Variants in ASB5 observed in about 807,000 individuals in gnomAD.
ASB5 encodes ankyrin repeat and SOCS box protein 5.
Under a neutral mutation model 42.1 loss-of-function variants are expected in ASB5, and 45 were observed. The observed-to-expected ratio is 1.07, with a 90% CI of 0.84 to 1.37. The LOEUF (loss-of-function observed/expected upper bound fraction) is 1.37. ASB5 is among the 40% of genes most tolerant of loss of function. The pLI is 0.00. For missense variants in ASB5, 402 were observed against 399.8 expected (o/e 1.01, Z -0.05); for synonymous variants, 147 against 150.6 (o/e 0.98, Z 0.18).
chr4:176,254,397 T>A (rs1754107842), intron 1 of ASB5, among the ~76,000 whole-genome samples: 1 of 152,160 alleles, frequency 6.6e-6, no homozygotes, highest in African/African-American at 2.4e-5. Context: ...TTACACCACA[T>A]ACAAAAATTA....
chr4:176,237,645 G>T, intron 1 of ASB5: 1 of 895,266 alleles, frequency 1.1e-6, no homozygotes, highest in Non-Finnish European at 1.3e-6. Flanking sequence ...AAATGCTGGA[G>T]CATTTTCTAT....
intron 1 of ASB5, among the ~76,000 whole-genome samples, chr4:176,246,388 G>T (rs1753912500): frequency 6.6e-6 from 1 of 152,128 alleles, no homozygotes; most frequent in South Asian, 2.1e-4. Flanking sequence ...TCAGATACAT[G>T]CAGTACATGT....
intron 1 of ASB5, 74 bp downstream of exon 1, chr4:176,268,839 A>C (rs980815217): frequency 5.7e-5 from 73 of 1,276,178 alleles, no homozygotes; most frequent in Non-Finnish European, 7.3e-5. Flanking sequence ...GCAGTCTAAA[A>C]AGAAAACATG....
intron 5 of ASB5, among the ~76,000 whole-genome samples, chr4:176,219,342 ATATTTG>A (rs1226739904): frequency 5.0e-5 from 5 of 100,148 alleles, no homozygotes; most frequent in African/African-American, 7.4e-5. Flanking sequence ...ATAAATATAT[ATATTTG>A]TATGATATAT....
chr4:176,271,209 A>C (rs999573322), upstream of ASB5, among the ~76,000 whole-genome samples: 71 of 152,196 alleles, frequency 4.7e-4, no homozygotes, highest in African/African-American at 1.6e-3. Context: ...ACTCTCCCTC[A>C]GCAAATTTCA....
chr4:176,244,530 C>G (rs1753871906), intron 1 of ASB5, among the ~76,000 whole-genome samples: 1 of 152,182 alleles, frequency 6.6e-6, no homozygotes, highest in South Asian at 2.1e-4. Flanking sequence ...GACTCTTCCT[C>G]TAACAGTGGC....
At chr4:176,234,539 C>G (rs1162165026) in intron 1 of ASB5, among the ~76,000 whole-genome samples, 1 of 152,180 alleles carries the variant, frequency 6.6e-6, no homozygotes. Context: ...TTCTTCTCAG[C>G]ACTTATTACT....
intron 1 of ASB5, among the ~76,000 whole-genome samples, chr4:176,260,661 C>T (rs576755959): frequency 6.6e-6 from 1 of 151,930 alleles, no homozygotes; most frequent in East Asian, 1.9e-4. Context: ...TTTGTTGTTG[C>T]TGTTGTTTGT....
upstream of ASB5, among the ~76,000 whole-genome samples, chr4:176,272,863 T>A (rs1754494321): frequency 6.6e-6 from 1 of 151,464 alleles, no homozygotes; most frequent in African/African-American, 2.4e-5. Context: ...TGGGTTATAA[T>A]AAAAATTGCG....
chr4:176,270,344 A>G (rs1754445401), upstream of ASB5, among the ~76,000 whole-genome samples: 1 of 152,190 alleles, frequency 6.6e-6, no homozygotes, highest in African/African-American at 2.4e-5. Context: ...GAGCATACCC[A>G]TGACTGGTCA....
In ASB5 at chr4:176,250,299, A is replaced by G. The variant is rs138378961; in HGVS notation, c.196+18614T>C. On this transcript the variant is annotated intron_variant, in intron 1 of 6. Transcript: ENST00000296525. ...CTTTGTGCTAAAAGTTTCTCTGGCC[A>G]GGAAACTGATTCACCAAAAGTCAAA... Among the ~76,000 whole-genome samples the G allele has an allele frequency of 7.7e-4, 118 of 152,342 alleles. 1 individual carries two copies. Among genetic ancestry groups the G allele is most frequent in the African/African-American group, 2.7e-3 (114 of 41,582 alleles).
intron 1 of ASB5, among the ~76,000 whole-genome samples, chr4:176,257,430 C>T (rs894761208): frequency 6.6e-6 from 1 of 152,160 alleles, no homozygotes; most frequent in African/African-American, 2.4e-5. Context: ...AATTTTAAAA[C>T]TCCCAACTCT....
intron 1 of ASB5, among the ~76,000 whole-genome samples, chr4:176,245,610 T>C (rs1345993482): frequency 1.3e-5 from 2 of 152,128 alleles, no homozygotes; most frequent in African/African-American, 4.8e-5. Context: ...ATGTTTATTG[T>C]GGCACTATTC....
intron 5 of ASB5, among the ~76,000 whole-genome samples, chr4:176,219,575 G>GATACAT (rs1753131677): frequency 1.7e-4 from 1 of 6,002 alleles, no homozygotes. Flanking sequence ...ATATTTGTAT[G>GATACAT]ATATATATAT....
chr4:176,227,655 A>G (rs1170144343), intron 1 of ASB5, among the ~76,000 whole-genome samples: 1 of 152,168 alleles, frequency 6.6e-6, no homozygotes, highest in Non-Finnish European at 1.5e-5. Flanking sequence ...GAGGAAACTG[A>G]GACATGCAGA....
Position 176,215,500 on chromosome 4 carries a change from C to G in ASB5, c.*100G>C. 1 of 1,249,360 alleles carries G rather than the reference C, an allele frequency of 8.0e-7. No individual in the cohort carries two copies. Among genetic ancestry groups the G allele is most frequent in the Non-Finnish European group, 1.1e-6 (1 of 912,388 alleles). 77.4% of individuals were successfully genotyped at this position (1,249,360 alleles called of 1,614,324 possible). On this transcript the variant is annotated 3_prime_UTR_variant, in exon 7 of 7. Coordinates refer to ENST00000296525, the MANE Select transcript of ASB5 (RefSeq NM_080874.4). The stretch of plus-strand genomic sequence containing the variant: ...CTGCTTCCCTGGGTGATCTCACACT[C>G]ACTTTTATCCTATCTTTAGCATATT...
At chr4:176,251,603 A>G (rs1250697024) in intron 1 of ASB5, among the ~76,000 whole-genome samples, 1 of 133,720 alleles carries the variant, frequency 7.5e-6, no homozygotes, top group East Asian at 2.2e-4. Context: ...TTGTTTGAAG[A>G]TTGGCTCAGA....
At chr4:176,237,424 G>C (rs1020951531) in intron 1 of ASB5, 1 of 985,782 alleles carries the variant, frequency 1.0e-6, no homozygotes, top group African/African-American at 1.7e-5. Flanking sequence ...ACATAGTTTG[G>C]TTGACGTTTT....
At chr4:176,268,377 TGTC>T (rs1191612431) in intron 1 of ASB5, among the ~76,000 whole-genome samples, 3 of 152,162 alleles carry the variant, frequency 2.0e-5, no homozygotes, top group Admixed American at 2.0e-4. Flanking sequence ...GAAAAACACA[TGTC>T]GTCAATCTTC....
Sources: gnomAD v4.1 joint callset for allele counts (sites outside exome capture counted in the v4.1 genomes callset) on GRCh38, gnomAD v4.1.1 for gene constraint, MANE v1.5 for transcripts, NCBI Gene and HGNC (gene_info 2026-07-23, HGNC 2026-07-21) for gene names.